Variants in PDE4D observed in about 807,000 individuals in gnomAD.
PDE4D encodes 3',5'-cyclic-AMP phosphodiesterase 4D.
A neutral mutation model predicts 87.4 loss-of-function variants in PDE4D; 24 were observed. That is an observed-to-expected ratio of 0.27 (90% CI 0.20 to 0.39). The LOEUF is 0.39. Ranked by LOEUF, PDE4D falls within the 10% of genes least tolerant of loss-of-function variation. PDE4D has a pLI of 1.00. For missense variants in PDE4D, 714 were observed against 1,041.0 expected, an observed-to-expected ratio of 0.69 and a Z score of 4.32; for synonymous variants, 384 against 383.2, an observed-to-expected ratio of 1.00 and a Z score of -0.02.
chr5:59,293,528 C>T (rs1472313116), intron 1 of PDE4D, among the ~76,000 whole-genome samples: 3 of 152,108 alleles, frequency 2.0e-5, no homozygotes, highest in Admixed American at 6.6e-5. Context: ...TCCCATTCTG[C>T]TCAATTGCTC....
chr5:59,294,661 A>T (rs1000019087), intron 1 of PDE4D, among the ~76,000 whole-genome samples: 1 of 152,166 alleles, frequency 6.6e-6, no homozygotes, highest in Admixed American at 6.5e-5. Context: ...GTGCAGGTAA[A>T]ATACTTGAAA....
intron 1 of PDE4D, among the ~76,000 whole-genome samples, chr5:59,338,448 T>G (rs1211571206): frequency 1.3e-5 from 2 of 152,222 alleles, no homozygotes; most frequent in African/African-American, 4.8e-5. Flanking sequence ...GGACTCAGCA[T>G]CTCATATTCT....
At position 60,199,350 on chromosome 5, in the gene PDE4D, G is replaced by A. The variant is rs932836397; in HGVS notation, c.-89-13663C>T. On this transcript the variant is annotated intron_variant, in intron 1 of 16. Transcript: ENST00000502484. ...TCAGAGCTTGGTATCTGTAACTGGA[G>A]CCTGTGCTGAATCATTGCCATTTGT... Among the ~76,000 whole-genome samples, 20 of 151,888 alleles carry A rather than the reference G, an allele frequency of 1.3e-4. 1 individual carries two copies. The highest frequency in any genetic ancestry group is 4.8e-4 in the African/African-American group (20 of 41,526).
intron 5 of PDE4D, among the ~76,000 whole-genome samples, chr5:59,148,320 G>C (rs1778965289): frequency 6.6e-6 from 1 of 152,138 alleles, no homozygotes; most frequent in South Asian, 2.1e-4. Flanking sequence ...ATTTTCAGTG[G>C]AACTTGAGAG....
chr5:59,155,322 A>T (rs1422118415), intron 5 of PDE4D, among the ~76,000 whole-genome samples: 1 of 152,246 alleles, frequency 6.6e-6, no homozygotes, highest in Non-Finnish European at 1.5e-5. Context: ...GTGTGGAAAC[A>T]TCTGGAACAA....
In PDE4D at chr5:59,411,042, G is replaced by A. The variant is rs529492535; in HGVS notation, c.456-195074C>T. On this transcript the variant is annotated intron_variant, in intron 1 of 14. Coordinates refer to ENST00000340635, the MANE Select transcript of PDE4D (RefSeq NM_001104631.2). ...TTATAGCATAAATTTCCATTCTAATGAGGATAAAGTGGCACTGGTCTCCTA... is the reference window on the plus strand; with the variant it reads ...TTATAGCATAAATTTCCATTCTAATAAGGATAAAGTGGCACTGGTCTCCTA... Among the ~76,000 whole-genome samples, 8 of 152,218 alleles carry A rather than the reference G, an allele frequency of 5.3e-5. No homozygotes were observed. In the South Asian group the frequency reaches 1.7e-3, roughly 32 times the overall value.
At chr5:59,370,808 T>C (rs1582205684) in intron 1 of PDE4D, among the ~76,000 whole-genome samples, 1 of 152,206 alleles carries the variant, frequency 6.6e-6, no homozygotes, top group Non-Finnish European at 1.5e-5. Flanking sequence ...CTGAGAGCCA[T>C]ATGAGATAAA....
At chr5:60,030,860 A>T (rs891211193) in intron 2 of PDE4D, 1 of 152,216 alleles carries the variant, frequency 6.6e-6, no homozygotes, top group Non-Finnish European at 1.5e-5. Flanking sequence ...TTAGACCCAG[A>T]TTGGCAAGTT....
intron 2 of PDE4D, among the ~76,000 whole-genome samples, chr5:59,200,615 ACG>A (rs1746992223): frequency 7.3e-6 from 1 of 136,802 alleles, no homozygotes; most frequent in Middle Eastern, 3.4e-3. Context: ...GTACAGATAC[ACG>A]TATACATACA....
At position 59,970,907 on chromosome 5, in the gene PDE4D, C is replaced by T. The variant is rs548300109; in HGVS notation, c.272+17581G>A. ...ATGCTGCTATAAAGACACATGCACA[C>T]GTATGTTTATTGTGGCACTATTCAC... On this transcript the variant is annotated intron_variant, in intron 3 of 16. Coordinates refer to the PDE4D transcript ENST00000502484. Among the ~76,000 whole-genome samples the T allele has an allele frequency of 3.2e-3, 447 of 137,752 alleles. 3 individuals carry two copies. The highest frequency in any genetic ancestry group is 0.011 in the African/African-American group (412 of 37,114). The allele number at this position is 137,752 out of a possible 152,430, so 90.4% of individuals were successfully genotyped here.
rs541847290 is a variant in PDE4D, at chr5:59,003,645, T to C, written c.922-10180A>G. 5.9e-5 allele frequency among the ~76,000 whole-genome samples: 9 copies of C among 152,296 alleles called. No individual in the cohort carries two copies. In the East Asian group the frequency reaches 1.7e-3, roughly 29 times the overall value. On this transcript the variant is annotated intron_variant, in intron 6 of 14. Coordinates refer to ENST00000340635, the MANE Select transcript of PDE4D (RefSeq NM_001104631.2). ...CAAAACTAAGTTAATAAATACATAA[T>C]ACGTCATGGGGTGATAAGCACAATG...
chr5:59,841,705 A>C (rs1246615337), intron 1 of PDE4D, among the ~76,000 whole-genome samples: 1 of 152,048 alleles, frequency 6.6e-6, no homozygotes, highest in Non-Finnish European at 1.5e-5. Flanking sequence ...AGAGAAGCCC[A>C]AGTTCCAAAG....
chr5:59,887,987 T>C (rs1278413573), intron 1 of PDE4D, among the ~76,000 whole-genome samples: 3 of 152,248 alleles, frequency 2.0e-5, no homozygotes, highest in East Asian at 3.8e-4. Flanking sequence ...TTTGTAGTTA[T>C]AGTTTGGGCA....
intron 1 of PDE4D, among the ~76,000 whole-genome samples, chr5:59,616,737 T>A (rs1213608868): frequency 6.6e-6 from 1 of 151,676 alleles, no homozygotes. Context: ...ATTGCTTCTG[T>A]GTTTTTTGGT....
rs3062699 is a variant in PDE4D, at chr5:59,914,866, GGTGTGTGTGTGTGT to G, written c.272+73608_272+73621del. Among the ~76,000 whole-genome samples, 456 of 122,614 alleles carry G rather than the reference GGTGTGTGTGTGTGT, an allele frequency of 3.7e-3. 4 individuals carry two copies. The highest frequency in any genetic ancestry group is 0.012 in the African/African-American group (393 of 32,440). The allele number at this position is 122,614 out of a possible 152,430, so 80.4% of individuals were successfully genotyped here. On this transcript the variant is annotated intron_variant, in intron 3 of 16. Coordinates refer to the PDE4D transcript ENST00000502484. Reference sequence around the variant, plus strand: ...GGCTTGGTTATAATTTACTGATAGGGGTGTGTGTGTGTGTGTGTGTGTGTGTGTGTGTGTGTGTG... The same window carrying G: ...GGCTTGGTTATAATTTACTGATAGGGGTGTGTGTGTGTGTGTGTGTGTGTG...
intron 1 of PDE4D, among the ~76,000 whole-genome samples, chr5:60,375,804 G>T (rs1161455706): frequency 6.6e-6 from 1 of 152,158 alleles, no homozygotes; most frequent in Non-Finnish European, 1.5e-5. Flanking sequence ...ACTTTGGGAG[G>T]CTAAGGTGGG....
chr5:60,221,894 G>A (rs932753105), intron 1 of PDE4D, among the ~76,000 whole-genome samples: 1 of 152,008 alleles, frequency 6.6e-6, no homozygotes, highest in Admixed American at 6.6e-5. Context: ...AAATAAAGCT[G>A]CTATGAACAT....
intron 1 of PDE4D, among the ~76,000 whole-genome samples, chr5:59,512,910 A>T (rs574191419): frequency 6.6e-6 from 1 of 152,272 alleles, no homozygotes; most frequent in Non-Finnish European, 1.5e-5. Flanking sequence ...TGTCTAGTTT[A>T]AAAAAATATG....
chr5:59,387,995 T>C (rs1180717111), intron 1 of PDE4D, among the ~76,000 whole-genome samples: 1 of 152,096 alleles, frequency 6.6e-6, no homozygotes, highest in Non-Finnish European at 1.5e-5. Context: ...ATTCTGTTTC[T>C]ATGAGTTTGA....
Sources: gnomAD v4.1 joint callset for allele counts (sites outside exome capture counted in the v4.1 genomes callset) on GRCh38, gnomAD v4.1.1 for gene constraint, MANE v1.5 for transcripts, NCBI Gene and HGNC (gene_info 2026-07-23, HGNC 2026-07-21) for gene names.